Variants in CIRSR observed in about 807,000 individuals in gnomAD.
CIRSR encodes CBF1 (RBPJ) interacting corepressor 1.
At chr2:174,388,281 C>G in the CIRSR span, among the ~76,000 whole-genome samples, 1 of 152,250 alleles carries the variant, frequency 6.6e-6, no homozygotes, top group Non-Finnish European at 1.5e-5. Flanking sequence ...TCACTGCAAC[C>G]TCTTCCTCCC....
chr2:174,382,478 A>C, the CIRSR span, among the ~76,000 whole-genome samples: 3 of 152,122 alleles, frequency 2.0e-5, no homozygotes, highest in Non-Finnish European at 4.4e-5. Flanking sequence ...GTCTCTACCA[A>C]AAATACAAAA....
At chr2:174,391,369 C>G in the CIRSR span, among the ~76,000 whole-genome samples, 1 of 152,130 alleles carries the variant, frequency 6.6e-6, no homozygotes, top group Non-Finnish European at 1.5e-5. Flanking sequence ...GTGGGCAGAT[C>G]ACCTTAAGTC....
chr2:174,350,850 T>C, the CIRSR span: 25 of 782,298 alleles, frequency 3.2e-5, no homozygotes, highest in South Asian at 2.2e-4. Flanking sequence ...GGACACACTG[T>C]AGATGAATAT....
chr2:174,367,443 G>T, the CIRSR span, among the ~76,000 whole-genome samples: 1 of 152,136 alleles, frequency 6.6e-6, no homozygotes, highest in Admixed American at 6.5e-5. Context: ...AGCCGGGTGT[G>T]GTGGGGGGCG....
At chr2:174,388,837 G>A in the CIRSR span, among the ~76,000 whole-genome samples, 1 of 152,170 alleles carries the variant, frequency 6.6e-6, no homozygotes, top group Non-Finnish European at 1.5e-5. Flanking sequence ...CCGGTGGGAT[G>A]TAATTGAATC....
the CIRSR span, chr2:174,380,865 A>G: frequency 6.9e-7 from 1 of 1,449,270 alleles, no homozygotes; most frequent in Non-Finnish European, 9.5e-7. Flanking sequence ...CAAGTTAAAA[A>G]CTTCAATATA....
the CIRSR span, among the ~76,000 whole-genome samples, chr2:174,356,696 G>A: frequency 6.6e-6 from 1 of 152,142 alleles, no homozygotes; most frequent in African/African-American, 2.4e-5. Context: ...AATATATTAT[G>A]TACTTAATTT....
At chr2:174,364,229 ATCTCCTTTGACTCCATG>A in the CIRSR span, among the ~76,000 whole-genome samples, 1 of 152,096 alleles carries the variant, frequency 6.6e-6, no homozygotes, top group African/African-American at 2.4e-5. Context: ...CTCCAAAATG[ATCTCCTTTGACTCCATG>A]TCTCACATCC....
At chr2:174,358,176 G>A in the CIRSR span, 1 of 152,146 alleles carries the variant, frequency 6.6e-6, no homozygotes, top group Non-Finnish European at 1.5e-5. Flanking sequence ...CTTATTGTAT[G>A]CTAGTAAAAA....
At chr2:174,388,827 C>T in the CIRSR span, among the ~76,000 whole-genome samples, 1 of 151,966 alleles carries the variant, frequency 6.6e-6, no homozygotes, top group South Asian at 2.1e-4. Context: ...TGGGAGGGAC[C>T]CGGTGGGATG....
the CIRSR span, among the ~76,000 whole-genome samples, chr2:174,373,901 A>T: frequency 6.6e-6 from 1 of 151,444 alleles, no homozygotes; most frequent in East Asian, 1.9e-4. Flanking sequence ...ATACACACAC[A>T]CTCTTCCATG....
chr2:174,392,694 G>T, the CIRSR span, among the ~76,000 whole-genome samples: 1 of 152,166 alleles, frequency 6.6e-6, no homozygotes, highest in East Asian at 1.9e-4. Context: ...CTGAGCTTCT[G>T]GTTTGGGCAA....
At chr2:174,373,179 T>C in the CIRSR span, among the ~76,000 whole-genome samples, 1 of 152,228 alleles carries the variant, frequency 6.6e-6, no homozygotes, top group Non-Finnish European at 1.5e-5. Flanking sequence ...AGTTCAGACA[T>C]TCTAAGATAC....
At chr2:174,368,098 T>C in the CIRSR span, among the ~76,000 whole-genome samples, 1 of 152,174 alleles carries the variant, frequency 6.6e-6, no homozygotes, top group Non-Finnish European at 1.5e-5. Flanking sequence ...TAAATGTTTT[T>C]AGAAATAGAC....
At chr2:174,377,824 CAAAAAAAAAAAA>C in the CIRSR span, among the ~76,000 whole-genome samples, 1 of 60,056 alleles carries the variant, frequency 1.7e-5, no homozygotes, top group African/African-American at 6.8e-5. Flanking sequence ...GACGCCATCT[CAAAAAAAAAAAA>C]AAAAAAAAAA....
At chr2:174,373,888 CACAT>C in the CIRSR span, among the ~76,000 whole-genome samples, 1 of 151,632 alleles carries the variant, frequency 6.6e-6, no homozygotes, top group East Asian at 1.9e-4. Context: ...CATACACACA[CACAT>C]ACACACACAC....
the CIRSR span, chr2:174,380,771 A>G: frequency 6.2e-7 from 1 of 1,602,852 alleles, no homozygotes; most frequent in South Asian, 1.1e-5. Flanking sequence ...AATCAACTGC[A>G]AGTAAATTCA....
At chr2:174,350,485 T>C in the CIRSR span, among the ~76,000 whole-genome samples, 1 of 152,168 alleles carries the variant, frequency 6.6e-6, no homozygotes, top group Non-Finnish European at 1.5e-5. Context: ...CTTACACTCA[T>C]TTCCATGTTA....
At chr2:174,352,205 TCACA>T in the CIRSR span, among the ~76,000 whole-genome samples, 20 of 150,180 alleles carry the variant, frequency 1.3e-4, no homozygotes, top group East Asian at 2.0e-4. Flanking sequence ...TGGTTGCTAA[TCACA>T]CACACACACA....
Sources: allele counts gnomAD v4.1 joint callset (sites outside exome capture counted in the v4.1 genomes callset), GRCh38; gene constraint gnomAD v4.1.1; transcripts MANE v1.5; gene names NCBI Gene and HGNC (gene_info 2026-07-23, HGNC 2026-07-21).